The following KLRD1 variants were observed in gnomAD, a reference collection of about 807,000 sequenced individuals.
The protein encoded by KLRD1 is killer cell lectin like receptor D1.
Under a neutral mutation model 22.6 loss-of-function variants are expected in KLRD1, and 21 were observed. That is an observed-to-expected ratio of 0.93 (90% confidence interval 0.66 to 1.34). KLRD1 has a LOEUF of 1.34. Ranked by LOEUF, KLRD1 falls within the 40% of genes most tolerant of loss-of-function variation. The probability of loss-of-function intolerance (pLI) is 0.00; values close to 1 mark genes in which losing one functional copy is unlikely to be tolerated. For missense variants in KLRD1, 183 were observed against 208.6 expected (o/e 0.88, Z 0.76); for synonymous variants, 59 against 71.1 (o/e 0.83, Z 0.85).
chr12:10,252,266 A>G (rs542480100), intron 1 of KLRD1, among the ~76,000 whole-genome samples: 2 of 152,294 alleles, frequency 1.3e-5, no homozygotes, highest in East Asian at 1.9e-4. Flanking sequence ...TTTATGTTCT[A>G]TAAATGTATG....
At position 10,243,607 on chromosome 12, in the gene KLRD1, CAAAAA is replaced by C. The variant is rs34864670; in HGVS notation, c.-101+17396_-101+17400del. On this transcript the variant is annotated intron_variant, in intron 1 of 5. Transcript: ENST00000544747. ...CAGCCTGGGCAACAGAGTGAGACTCCAAAAAAAAAAAAAAAAAAAAAAAAAACCGA... is the reference window on the plus strand; with the variant it reads ...CAGCCTGGGCAACAGAGTGAGACTCCAAAAAAAAAAAAAAAAAAAAACCGA... Among the ~76,000 whole-genome samples, 66 of 28,808 alleles carry C rather than the reference CAAAAA, an allele frequency of 2.3e-3. 1 individual carries two copies. Among genetic ancestry groups the C allele is most frequent in the African/African-American group, 7.5e-3 (37 of 4,930 alleles). The allele number at this position is 28,808 out of a possible 152,430, so 18.9% of individuals were successfully genotyped here.
intron 1 of KLRD1, chr12:10,309,101 T>C: frequency 3.7e-6 from 1 of 266,880 alleles, no homozygotes; most frequent in Middle Eastern, 1.3e-3. Flanking sequence ...CTCCAGATCT[T>C]TAAGCACCTC....
At chr12:10,253,115 C>A (rs373250071) in intron 1 of KLRD1, among the ~76,000 whole-genome samples, 1 of 151,858 alleles carries the variant, frequency 6.6e-6, no homozygotes, top group East Asian at 1.9e-4. Context: ...TCTTATGTTT[C>A]TTTTGCTTGG....
chr12:10,277,771 A>C (rs1949605202), intron 1 of KLRD1, among the ~76,000 whole-genome samples: 1 of 152,134 alleles, frequency 6.6e-6, no homozygotes, highest in Non-Finnish European at 1.5e-5. Flanking sequence ...TGATTTTTAA[A>C]AATTAGTAGA....
chr12:10,305,345 T>C (rs1949906373), upstream of KLRD1, among the ~76,000 whole-genome samples: 1 of 152,198 alleles, frequency 6.6e-6, no homozygotes, highest in Non-Finnish European at 1.5e-5. Context: ...CAGCGGAATT[T>C]AGTCTGGTTT....
Position 10,322,645 on chromosome 12 carries a change from C to G in KLRD1, c.*7852C>G, listed in dbSNP as rs1400692431. 1 of 152,164 alleles carries G rather than the reference C, an allele frequency of 6.6e-6. No individual in the cohort carries two copies. The highest frequency in any genetic ancestry group is 2.4e-5 in the African/African-American group (1 of 41,444). 9.4% of individuals were successfully genotyped at this position (152,164 alleles called of 1,614,324 possible). A position where few individuals can be genotyped will look rare whatever the true frequency, so the allele number is the denominator to read the frequency against. ...TTCTTCACTAATTTTCTCATTTACA[C>G]TAAATACTTCATTGATTACAGTTTA... On this transcript the variant is annotated 3_prime_UTR_variant, in exon 6 of 6. Coordinates refer to ENST00000336164, the MANE Select transcript of KLRD1 (RefSeq NM_002262.5).
intron 1 of KLRD1, among the ~76,000 whole-genome samples, chr12:10,287,337 C>A (rs770225539): frequency 4.6e-5 from 7 of 152,120 alleles, no homozygotes; most frequent in Non-Finnish European, 8.8e-5. Context: ...GTATTTGTTT[C>A]ATACACAAAT....
chr12:10,264,664 G>A (rs889238741), intron 1 of KLRD1, among the ~76,000 whole-genome samples: 22 of 130,816 alleles, frequency 1.7e-4, no homozygotes, highest in African/African-American at 5.0e-4. Flanking sequence ...TATGTCCATC[G>A]TCTCACATAG....
chr12:10,278,847 G>A (rs58324962), intron 1 of KLRD1, among the ~76,000 whole-genome samples: 1 of 151,654 alleles, frequency 6.6e-6, no homozygotes, highest in Non-Finnish European at 1.5e-5. Context: ...GGGAGAATTA[G>A]ATATAGCAAA....
At position 10,313,392 on chromosome 12, in the gene KLRD1, G is replaced by A; in HGVS notation, c.316-18G>A. ...AGATTAAAATTAGATTAATGTGATT[G>A]TCTTTTACTTGAAGCAGGATTTTAT... On this transcript the variant is annotated intron_variant, in intron 4 of 5. Coordinates refer to ENST00000336164, the MANE Select transcript of KLRD1 (RefSeq NM_002262.5). The A allele has an allele frequency of 2.1e-6, 3 of 1,429,136 alleles. No homozygotes were observed. The highest frequency in any genetic ancestry group is 2.0e-6 in the Non-Finnish European group (2 of 1,023,614). 88.5% of individuals were successfully genotyped at this position (1,429,136 alleles called of 1,614,324 possible).
In KLRD1 at chr12:10,319,739, T is replaced by G. The variant is rs10845106; in HGVS notation, c.*4946T>G. The G allele has an allele frequency of 0.58, 88,697 of 151,900 alleles. 28,196 individuals are homozygous for G. Among genetic ancestry groups the G allele is most frequent in the South Asian group, 0.82 (3,929 of 4,790 alleles). The allele number at this position is 151,900 out of a possible 1,614,324, so 9.4% of individuals were successfully genotyped here. A position where few individuals can be genotyped will look rare whatever the true frequency, so the allele number is the denominator to read the frequency against. On this transcript the variant is annotated 3_prime_UTR_variant, in exon 6 of 6. Transcript: ENST00000336164. ...CTCCAGTCTTAGTCAAGCCTTCAGATGATTACAGCCCCCAGCCAACACCTT... is the reference window on the plus strand; with the variant it reads ...CTCCAGTCTTAGTCAAGCCTTCAGAGGATTACAGCCCCCAGCCAACACCTT...
chr12:10,314,636 C>T, intron 5 of KLRD1, 37 bp from the exon 6 acceptor site: 4 of 1,506,990 alleles, frequency 2.7e-6, no homozygotes, highest in Non-Finnish European at 3.5e-6. Flanking sequence ...TTCTTACTTC[C>T]TTTTTGTGTA....
At chr12:10,302,495 G>A (rs146094724), upstream of KLRD1, among the ~76,000 whole-genome samples, 232 of 152,308 alleles carry the variant, frequency 1.5e-3, no homozygotes, top group African/African-American at 5.3e-3. Context: ...CACCAGTATT[G>A]TAGCAGAGAA....
chr12:10,255,091 TAA>T (rs1285833741), intron 1 of KLRD1, among the ~76,000 whole-genome samples: 2 of 132,260 alleles, frequency 1.5e-5, no homozygotes, highest in East Asian at 2.8e-4. Context: ...AGTCAAAAAA[TAA>T]TAGATGCTGG....
In KLRD1 at chr12:10,309,481, G is replaced by C; in HGVS notation, c.100+1G>C. 1 of 1,462,760 alleles carries C rather than the reference G, an allele frequency of 6.8e-7. No homozygotes were observed. Among genetic ancestry groups the C allele is most frequent in the Non-Finnish European group, 9.6e-7 (1 of 1,042,096 alleles). The allele number at this position is 1,462,760 out of a possible 1,614,324, so 90.6% of individuals were successfully genotyped here. On this transcript the variant is annotated splice_donor_variant, in intron 2 of 5. Coordinates refer to ENST00000336164, the MANE Select transcript of KLRD1 (RefSeq NM_002262.5). LOFTEE classifies it high-confidence loss of function. ...ACGTTGGGAATTTTGTTGAAAAATTGTAAGTTTTTCTAAGCAAGTCTCCAT... is the reference window on the plus strand; with the variant it reads ...ACGTTGGGAATTTTGTTGAAAAATTCTAAGTTTTTCTAAGCAAGTCTCCAT...
At chr12:10,256,842 C>T (rs1014826278) in intron 1 of KLRD1, among the ~76,000 whole-genome samples, 2 of 151,990 alleles carry the variant, frequency 1.3e-5, no homozygotes, top group South Asian at 4.1e-4. Flanking sequence ...TGCATCCTTC[C>T]ATTTTACTCT....
upstream of KLRD1, among the ~76,000 whole-genome samples, chr12:10,300,765 A>T (rs1418828342): frequency 1.3e-5 from 2 of 152,246 alleles, no homozygotes; most frequent in East Asian, 3.8e-4. Context: ...TGCACTAAAA[A>T]TATGTTGTTT....
At chr12:10,256,660 C>G (rs2137625772) in intron 1 of KLRD1, among the ~76,000 whole-genome samples, 1 of 151,912 alleles carries the variant, frequency 6.6e-6, no homozygotes, top group Non-Finnish European at 1.5e-5. Context: ...TATTTTGTAA[C>G]TATTAACATA....
chr12:10,314,598 A>G, intron 5 of KLRD1, 75 bp from the exon 6 acceptor site: 3 of 1,345,052 alleles, frequency 2.2e-6, no homozygotes, highest in Non-Finnish European at 3.0e-6. Context: ...TAAAATTTAT[A>G]TCATTTAATT....
Sources: gnomAD v4.1 joint callset for allele counts (sites outside exome capture counted in the v4.1 genomes callset) on GRCh38, gnomAD v4.1.1 for gene constraint, MANE v1.5 for transcripts, NCBI Gene and HGNC (gene_info 2026-07-23, HGNC 2026-07-21) for gene names.